Variants in EFNA5 observed in about 807,000 individuals in gnomAD.
EFNA5 encodes ephrin A5.
EFNA5 carries 5 observed loss-of-function variants against 22.9 expected under a neutral mutation model. The ratio of observed to expected loss-of-function variants is 0.22; its 90% CI spans 0.11 to 0.46. The LOEUF (loss-of-function observed/expected upper bound fraction) is 0.46. Among genes scored for constraint, EFNA5 ranks in the 20% least tolerant of loss-of-function variants. The pLI is 0.99. For missense variants in EFNA5, 237 were observed against 293.3 expected (o/e 0.81, Z 1.40); for synonymous variants, 113 against 112.2 (o/e 1.01, Z -0.04).
chr5:107,498,593 C>T (rs1023962578), intron 1 of EFNA5, among the ~76,000 whole-genome samples: 1 of 152,196 alleles, frequency 6.6e-6, no homozygotes, highest in Admixed American at 6.5e-5. Context: ...ATCGCCTCGG[C>T]TCATGAAGAT....
chr5:107,499,183 AT>A (rs956346128), intron 1 of EFNA5, among the ~76,000 whole-genome samples: 7 of 151,998 alleles, frequency 4.6e-5, no homozygotes, highest in Admixed American at 3.3e-4. Context: ...GAAAGATGAA[AT>A]TTTTTTTTAA....
chr5:107,512,501 CAGAG>C (rs771689037), intron 1 of EFNA5, among the ~76,000 whole-genome samples: 2 of 151,884 alleles, frequency 1.3e-5, no homozygotes, highest in African/African-American at 4.8e-5. Flanking sequence ...GCCATCATTA[CAGAG>C]AGTCACAGAA....
intron 1 of EFNA5, among the ~76,000 whole-genome samples, chr5:107,532,011 C>T (rs985895044): frequency 2.0e-5 from 3 of 152,156 alleles, no homozygotes; most frequent in African/African-American, 7.2e-5. Flanking sequence ...TAATGTAAGA[C>T]CTCCTGAAAA....
intron 1 of EFNA5, among the ~76,000 whole-genome samples, chr5:107,523,383 T>C (rs1747634682): frequency 6.6e-6 from 1 of 152,192 alleles, no homozygotes; most frequent in Admixed American, 6.5e-5. Context: ...TTAATGTTTT[T>C]GGTGTCCCAC....
chr5:107,616,653 A>G (rs1227800118), intron 1 of EFNA5, among the ~76,000 whole-genome samples: 30 of 152,160 alleles, frequency 2.0e-4, no homozygotes, highest in Admixed American at 2.0e-3. Flanking sequence ...GAAGAAAGAA[A>G]AGAGCCACAT....
intron 1 of EFNA5, among the ~76,000 whole-genome samples, chr5:107,601,123 C>T (rs1376393682): frequency 2.6e-5 from 4 of 152,182 alleles, no homozygotes; most frequent in African/African-American, 7.2e-5. Flanking sequence ...CAAGTAACTT[C>T]GAAAGAGGTT....
intron 2 of EFNA5, 175 bp downstream of exon 2, chr5:107,427,042 T>C (rs1748827483): frequency 1.5e-6 from 1 of 678,012 alleles, no homozygotes; most frequent in Middle Eastern, 2.5e-4. Context: ...CTGTCTTTAA[T>C]CTAATTTGTG....
intron 1 of EFNA5, among the ~76,000 whole-genome samples, chr5:107,528,374 T>G (rs954614272): frequency 2.7e-5 from 4 of 146,452 alleles, no homozygotes; most frequent in Admixed American, 1.4e-4. Context: ...GAAAACAGTT[T>G]TGTTTTTTAG....
At chr5:107,491,238 A>G (rs1419732816) in intron 1 of EFNA5, among the ~76,000 whole-genome samples, 1 of 152,162 alleles carries the variant, frequency 6.6e-6, no homozygotes, top group African/African-American at 2.4e-5. Flanking sequence ...AAATTATAAC[A>G]TGGTATATAC....
chr5:107,475,936 T>C (rs1394159061), intron 1 of EFNA5, among the ~76,000 whole-genome samples: 2 of 149,920 alleles, frequency 1.3e-5, no homozygotes, highest in Non-Finnish European at 3.0e-5. Context: ...AGAGTGAATT[T>C]CAAACTGTGT....
At chr5:107,526,624 A>T (rs1747699841) in intron 1 of EFNA5, among the ~76,000 whole-genome samples, 1 of 152,232 alleles carries the variant, frequency 6.6e-6, no homozygotes, top group Non-Finnish European at 1.5e-5. Context: ...TAGTTTCCCA[A>T]GTGAAAAGTA....
At position 107,378,236 on chromosome 5, in the gene EFNA5, A is replaced by T. The variant is rs1442609941; in HGVS notation, c.*3019T>A. The T allele has an allele frequency of 6.6e-6, 1 of 151,104 alleles. No individual in the cohort carries two copies. Among genetic ancestry groups the T allele is most frequent in the Non-Finnish European group, 1.5e-5 (1 of 67,948 alleles). 9.4% of individuals were successfully genotyped at this position (151,104 alleles called of 1,614,324 possible). Reference sequence around the variant, plus strand: ...TTTACTTTTCTTTCCTCTGCCACCCAAGAAAGTACAGTACAAAACAATAGT... The same window carrying T: ...TTTACTTTTCTTTCCTCTGCCACCCTAGAAAGTACAGTACAAAACAATAGT... On this transcript the variant is annotated 3_prime_UTR_variant, in exon 5 of 5. Coordinates refer to ENST00000333274, the MANE Select transcript of EFNA5 (RefSeq NM_001962.3).
At chr5:107,475,684 TACCCTGCATAAG>T (rs1750266199) in intron 1 of EFNA5, among the ~76,000 whole-genome samples, 1 of 152,098 alleles carries the variant, frequency 6.6e-6, no homozygotes, top group Non-Finnish European at 1.5e-5. Context: ...GCAACATTCT[TACCCTGCATAAG>T]ACTTATACAT....
chr5:107,645,527 T>C (rs1447594788), intron 1 of EFNA5, among the ~76,000 whole-genome samples: 1 of 152,240 alleles, frequency 6.6e-6, no homozygotes, highest in Non-Finnish European at 1.5e-5. Context: ...CACACTATAC[T>C]GAATCAAGTT....
intron 1 of EFNA5, among the ~76,000 whole-genome samples, chr5:107,579,639 T>C (rs1749001235): frequency 6.6e-6 from 1 of 152,198 alleles, no homozygotes; most frequent in Non-Finnish European, 1.5e-5. Flanking sequence ...CTTTTCTCTC[T>C]CTCTGTCTGA....
chr5:107,652,155 A>G (rs1417508195), intron 1 of EFNA5, among the ~76,000 whole-genome samples: 1 of 152,002 alleles, frequency 6.6e-6, no homozygotes, highest in African/African-American at 2.4e-5. Context: ...TGACCAACCT[A>G]CCTCTTCAGC....
At chr5:107,382,172 T>A (rs565613876) in intron 4 of EFNA5, among the ~76,000 whole-genome samples, 46 of 152,198 alleles carry the variant, frequency 3.0e-4, no homozygotes, top group Non-Finnish European at 5.3e-4. Flanking sequence ...TAAAGTGTTC[T>A]ATGAGGCTGC....
At chr5:107,407,868 A>G (rs1748264716) in intron 2 of EFNA5, among the ~76,000 whole-genome samples, 1 of 152,120 alleles carries the variant, frequency 6.6e-6, no homozygotes, top group African/African-American at 2.4e-5. Flanking sequence ...GGTTGGTCAT[A>G]GTTATGATTT....
intron 2 of EFNA5, among the ~76,000 whole-genome samples, chr5:107,392,526 CCTT>C (rs1290071162): frequency 6.6e-6 from 1 of 152,192 alleles, no homozygotes; most frequent in Non-Finnish European, 1.5e-5. Context: ...CAAAGTGAAT[CCTT>C]CTCACTGAGC....
Sources: allele counts gnomAD v4.1 joint callset (sites outside exome capture counted in the v4.1 genomes callset), GRCh38; gene constraint gnomAD v4.1.1; transcripts MANE v1.5; gene names NCBI Gene and HGNC (gene_info 2026-07-23, HGNC 2026-07-21).